RPS6KC1: variants seen among roughly 807,000 people sequenced by gnomAD.
The protein encoded by RPS6KC1 is ribosomal protein S6 kinase C1.
A neutral mutation model predicts 103.8 loss-of-function variants in RPS6KC1; 54 were observed. The observed-to-expected ratio is 0.52, with a 90% CI of 0.42 to 0.65. The LOEUF (loss-of-function observed/expected upper bound fraction) is 0.65. Ranked by LOEUF, RPS6KC1 falls within the 30% of genes least tolerant of loss-of-function variation. The pLI, the probability that RPS6KC1 is intolerant of heterozygous loss-of-function variation, is 0.00. For missense variants in RPS6KC1, 1,151 were observed against 1,253.8 expected, an observed-to-expected ratio of 0.92 and a Z score of 1.24; for synonymous variants, 439 against 438.7, an observed-to-expected ratio of 1.00 and a Z score of -0.01.
At chr1:213,529,204 G>A in the RPS6KC1 span, among the ~76,000 whole-genome samples, 87 of 152,002 alleles carry the variant, frequency 5.7e-4, no homozygotes, top group African/African-American at 2.0e-3. Context: ...ATAATGGGGA[G>A]GGGGATTTGA....
At chr1:213,254,588 A>G (rs1203803440) in intron 12 of RPS6KC1, among the ~76,000 whole-genome samples, 1 of 152,200 alleles carries the variant, frequency 6.6e-6, no homozygotes, top group Non-Finnish European at 1.5e-5. Context: ...ACAGATTATA[A>G]GAGGCTGAAA....
At chr1:213,659,941 C>G in the RPS6KC1 span, among the ~76,000 whole-genome samples, 3 of 152,142 alleles carry the variant, frequency 2.0e-5, no homozygotes, top group Non-Finnish European at 2.9e-5. Flanking sequence ...GAACTTATTC[C>G]TTTAAGGTCA....
the RPS6KC1 span, among the ~76,000 whole-genome samples, chr1:213,409,621 T>A: frequency 6.6e-6 from 1 of 152,188 alleles, no homozygotes; most frequent in African/African-American, 2.4e-5. Context: ...AACTGAAAGT[T>A]CAGATTTGGG....
the RPS6KC1 span, among the ~76,000 whole-genome samples, chr1:213,454,693 A>C: frequency 1.3e-5 from 2 of 152,252 alleles, no homozygotes; most frequent in Non-Finnish European, 2.9e-5. Context: ...CTTCAGATTT[A>C]GATAAACCCA....
the RPS6KC1 span, among the ~76,000 whole-genome samples, chr1:213,792,840 C>A: frequency 6.7e-6 from 1 of 149,622 alleles, no homozygotes; most frequent in South Asian, 2.1e-4. Context: ...CCAACAACCA[C>A]CCCCACCCTT....
the RPS6KC1 span, among the ~76,000 whole-genome samples, chr1:213,397,048 A>G: frequency 6.6e-6 from 1 of 152,162 alleles, no homozygotes; most frequent in African/African-American, 2.4e-5. Context: ...CCATGTGTAA[A>G]ATCTATCTAC....
chr1:213,788,395 T>C, the RPS6KC1 span, among the ~76,000 whole-genome samples: 2 of 152,194 alleles, frequency 1.3e-5, no homozygotes, highest in African/African-American at 2.4e-5. Context: ...TCTACTTAGA[T>C]GACTATCAAA....
At chr1:213,052,112 G>T (rs950884892) in intron 1 of RPS6KC1, among the ~76,000 whole-genome samples, 1 of 152,112 alleles carries the variant, frequency 6.6e-6, no homozygotes, top group African/African-American at 2.4e-5. Flanking sequence ...TTTAAAGTTG[G>T]GAGGCTCCTT....
the RPS6KC1 span, among the ~76,000 whole-genome samples, chr1:213,815,908 G>C: frequency 6.6e-6 from 1 of 152,126 alleles, no homozygotes; most frequent in Admixed American, 6.5e-5. Context: ...TTTTGATTTA[G>C]AGTAAGAGAT....
the RPS6KC1 span, among the ~76,000 whole-genome samples, chr1:213,809,116 G>A: frequency 6.6e-6 from 1 of 152,174 alleles, no homozygotes; most frequent in African/African-American, 2.4e-5. Flanking sequence ...TTGATTTAAA[G>A]TGAGAGACTT....
the RPS6KC1 span, among the ~76,000 whole-genome samples, chr1:213,764,269 T>C: frequency 6.6e-6 from 1 of 152,182 alleles, no homozygotes; most frequent in Non-Finnish European, 1.5e-5. Flanking sequence ...TTTCTTAGAC[T>C]TTGAATCTCC....
chr1:213,082,800 A>G (rs1357582971), intron 3 of RPS6KC1, among the ~76,000 whole-genome samples: 2 of 152,208 alleles, frequency 1.3e-5, no homozygotes, highest in African/African-American at 4.8e-5. Flanking sequence ...AGCAGAGAGT[A>G]CTAAAATTAA....
the RPS6KC1 span, among the ~76,000 whole-genome samples, chr1:213,771,221 G>C: frequency 6.6e-6 from 1 of 152,292 alleles, no homozygotes; most frequent in Admixed American, 6.5e-5. Context: ...TTCCAGGAAA[G>C]AGTGAGTGCA....
the RPS6KC1 span, among the ~76,000 whole-genome samples, chr1:213,417,658 G>C: frequency 6.6e-6 from 1 of 152,056 alleles, no homozygotes; most frequent in African/African-American, 2.4e-5. Flanking sequence ...GACTAGTGGA[G>C]AGGTAGGTTG....
Position 213,240,903 on chromosome 1 carries a change from T to G in RPS6KC1, c.1427T>G (p.Leu476Arg), listed in dbSNP as rs2094335231. 6.2e-7 allele frequency: 1 copy of G among 1,613,696 alleles called. No individual in the cohort carries two copies. The highest frequency in any genetic ancestry group is 1.1e-5 in the South Asian group (1 of 91,070). Residue 476 changes from leucine (L) to arginine (R), a missense_variant, in exon 11 of 15, where the codon CTT becomes CGT. By Grantham distance (102) the Leu-to-Arg change is moderately radical. Around this residue, in one of 3 missense-constraint regions of RPS6KC1, gnomAD observed 959 missense variants for 1,006.3 expected, o/e 0.95. Transcript: ENST00000366960. The part of the protein sequence containing the change: ...MLKALPLKSS[L>R]TPSSQDDSNQ... ...AAAGCTCTGCCTTTGAAGAGTAGTC[T>G]TACTCCAAGTTCTCAAGATGACAGC...
chr1:213,365,397 A>G, the RPS6KC1 span, among the ~76,000 whole-genome samples: 1 of 152,224 alleles, frequency 6.6e-6, no homozygotes, highest in African/African-American at 2.4e-5. Flanking sequence ...GTGGCTAATT[A>G]GGTCCTAATA....
chr1:213,100,464 A>G (rs146967023), intron 3 of RPS6KC1, among the ~76,000 whole-genome samples: 131 of 152,320 alleles, frequency 8.6e-4, no homozygotes, highest in Non-Finnish European at 1.3e-3. Context: ...CAGCAGGTAC[A>G]TGTGCAGATT....
At chr1:213,142,404 G>A (rs1283921157) in intron 6 of RPS6KC1, among the ~76,000 whole-genome samples, 1 of 152,048 alleles carries the variant, frequency 6.6e-6, no homozygotes, top group Non-Finnish European at 1.5e-5. Flanking sequence ...TGGGGAGCTA[G>A]TACGGTCTTT....
chr1:213,608,394 G>A, the RPS6KC1 span, among the ~76,000 whole-genome samples: 9 of 152,300 alleles, frequency 5.9e-5, no homozygotes, highest in South Asian at 4.1e-4. Flanking sequence ...AGGCAGCTTC[G>A]CAGTTAGGAT....
Sources: gnomAD v4.1 joint callset for allele counts (sites outside exome capture counted in the v4.1 genomes callset) on GRCh38, gnomAD v4.1.1 for gene constraint, gnomAD v4.1.1 regional missense constraint, MANE v1.5 for transcripts, NCBI Gene and HGNC (gene_info 2026-07-23, HGNC 2026-07-21) for gene names.